The following AP4S1 variants were observed in gnomAD, a reference collection of about 807,000 sequenced individuals.
AP4S1 encodes adaptor related protein complex 4 subunit sigma 1.
A neutral mutation model predicts 19.8 loss-of-function variants in AP4S1; 23 were observed. The ratio of observed to expected loss-of-function variants is 1.16; its 90% CI spans 0.84 to 1.65. The LOEUF (loss-of-function observed/expected upper bound fraction) is 1.65. Among genes scored for constraint, AP4S1 ranks in the 40% most tolerant of loss-of-function variants. The pLI, the probability that AP4S1 is intolerant of heterozygous loss-of-function variation, is 0.00. For synonymous variants in AP4S1, 46 were observed against 54.1 expected (o/e 0.85, Z 0.66); for missense variants, 166 against 172.8 (o/e 0.96, Z 0.22).
At position 31,078,319 on chromosome 14, in the gene AP4S1, C is replaced by T. The variant is rs146508789; in HGVS notation, c.295-2254C>T. Among the ~76,000 whole-genome samples the T allele has an allele frequency of 3.5e-3, 529 of 152,308 alleles. 2 individuals are homozygous for T. Among genetic ancestry groups the T allele is most frequent in the Non-Finnish European group, 5.8e-3 (397 of 68,024 alleles). On this transcript the variant is annotated intron_variant, in intron 4 of 5. Transcript: ENST00000542754. ...TACCTGTGCCATCCAATACAGTAGG[C>T]ATTAGCCAGATGTGGCTCTTGAGCA... is the stretch of plus-strand genomic sequence containing the variant.
intron 5 of AP4S1, chr14:31,085,144 A>C (rs543937765): frequency 2.4e-6 from 3 of 1,251,032 alleles, no homozygotes; most frequent in South Asian, 2.1e-5. Context: ...CTTCGCCAGC[A>C]CCCTTTCCCC....
intron 1 of AP4S1, among the ~76,000 whole-genome samples, chr14:31,040,494 A>G (rs1232907102): frequency 1.3e-5 from 2 of 152,176 alleles, no homozygotes; most frequent in Admixed American, 6.6e-5. Context: ...AATCTGTAAC[A>G]TTGCACTCGA....
intron 2 of AP4S1, among the ~76,000 whole-genome samples, chr14:31,069,258 A>T (rs369487035): frequency 2.0e-4 from 31 of 152,324 alleles, no homozygotes; most frequent in African/African-American, 6.7e-4. Context: ...TTATTAATTC[A>T]TATGAAGCAA....
In AP4S1 at chr14:31,084,762, T is replaced by G. The variant is rs960193671; in HGVS notation, c.306+4178T>G. 28 of 1,614,090 alleles carry G rather than the reference T, an allele frequency of 1.7e-5. No individual in the cohort carries two copies. Among genetic ancestry groups the G allele is most frequent in the Non-Finnish European group, 2.2e-5 (26 of 1,180,034 alleles). ...TCAAATTTTATGAATTAAGGTGTTT[T>G]TTTTAGGAACCAATTGATGAACTTC... On this transcript the variant is annotated intron_variant, in intron 5 of 5. Coordinates refer to ENST00000542754, the MANE Select transcript of AP4S1 (RefSeq NM_001128126.3).
Position 31,072,981 on chromosome 14 carries a change from T to TA in AP4S1, c.294+10dup. 1 of 1,612,304 alleles carries TA rather than the reference T, an allele frequency of 6.2e-7. No individual in the cohort carries two copies. Among genetic ancestry groups the TA allele is most frequent in the Non-Finnish European group, 8.5e-7 (1 of 1,178,366 alleles). On this transcript the variant is annotated intron_variant, in intron 4 of 5. Coordinates refer to ENST00000542754, the MANE Select transcript of AP4S1 (RefSeq NM_001128126.3). ...GAGTATTTCAGCCGAGTGGTAAGTC[T>TA]AATGGCTAAAAAATGGTTTACTTCC...
intron 1 of AP4S1, among the ~76,000 whole-genome samples, chr14:31,052,926 T>C (rs1030895914): frequency 1.4e-5 from 2 of 147,078 alleles, no homozygotes; most frequent in Non-Finnish European, 3.0e-5. Context: ...AAGAAGTCAG[T>C]GTGCTAAATT....
intron 1 of AP4S1, among the ~76,000 whole-genome samples, chr14:31,043,032 C>G (rs915719892): frequency 1.3e-5 from 2 of 152,028 alleles, no homozygotes; most frequent in Non-Finnish European, 1.5e-5. Context: ...ATCAGCCTGG[C>G]CGACATGGTG....
chr14:31,074,652 G>A (rs145704078), intron 4 of AP4S1, among the ~76,000 whole-genome samples: 70 of 152,182 alleles, frequency 4.6e-4, no homozygotes, highest in African/African-American at 1.2e-3. Context: ...CAGCCTGGGC[G>A]ACAGAGCAAG....
At chr14:31,068,691 T>C (rs1436019932) in intron 2 of AP4S1, among the ~76,000 whole-genome samples, 1 of 152,274 alleles carries the variant, frequency 6.6e-6, no homozygotes, top group Non-Finnish European at 1.5e-5. Flanking sequence ...TACTGTTAGA[T>C]ACTTTTGATG....
At position 31,025,676 on chromosome 14, in the gene AP4S1, G is replaced by A. The variant is rs375911441; in HGVS notation, c.-183G>A. On this transcript the variant is annotated 5_prime_UTR_variant, in exon 1 of 6. Coordinates refer to ENST00000542754, the MANE Select transcript of AP4S1 (RefSeq NM_001128126.3). The stretch of plus-strand genomic sequence containing the variant: ...TAAAAGCCAAAATGGCTGCCCCGAG[G>A]AGGCCCGCACCGCGTAGCCAGTGAA... 20 of 662,060 alleles carry A rather than the reference G, an allele frequency of 3.0e-5. No homozygotes were observed. Among genetic ancestry groups the A allele is most frequent in the African/African-American group, 1.1e-4 (6 of 52,978 alleles). The allele number at this position is 662,060 out of a possible 1,614,324, so 41.0% of individuals were successfully genotyped here. A position where few individuals can be genotyped will look rare whatever the true frequency, so the allele number is the denominator to read the frequency against.
intron 1 of AP4S1, among the ~76,000 whole-genome samples, chr14:31,065,427 T>C (rs1397517764): frequency 6.6e-6 from 1 of 152,120 alleles, no homozygotes; most frequent in African/African-American, 2.4e-5. Flanking sequence ...CATCACCTTG[T>C]ACTGCCGTTG....
rs923707686 is a variant in AP4S1 at position 31,093,221 on chromosome 14, G to A, written c.*186G>A. 1.8e-4 allele frequency: 87 copies of A among 496,530 alleles called. No individual in the cohort carries two copies. The highest frequency in any genetic ancestry group is 2.7e-4 in the Non-Finnish European group (82 of 306,236). 30.8% of individuals were successfully genotyped at this position (496,530 alleles called of 1,614,324 possible). ...AAAACACAACTGTACTTTAAAATATGTACAAAGAAAAAAATTTCTTTAAAC... is the reference window on the plus strand; with the variant it reads ...AAAACACAACTGTACTTTAAAATATATACAAAGAAAAAAATTTCTTTAAAC... On this transcript the variant is annotated 3_prime_UTR_variant, in exon 6 of 6. Coordinates refer to ENST00000542754, the MANE Select transcript of AP4S1 (RefSeq NM_001128126.3).
intron 1 of AP4S1, chr14:31,033,032 T>C (rs1884497754): frequency 6.6e-6 from 1 of 152,212 alleles, no homozygotes; most frequent in Admixed American, 6.5e-5. Flanking sequence ...AAGTTCTCAC[T>C]CTTTACATCA....
chr14:31,047,102 A>C (rs1234587633), intron 1 of AP4S1, among the ~76,000 whole-genome samples: 3 of 152,162 alleles, frequency 2.0e-5, no homozygotes, highest in African/African-American at 7.2e-5. Flanking sequence ...CCCAATGATT[A>C]AGGGTGTTGA....
chr14:31,039,579 T>A (rs8014360), intron 1 of AP4S1, among the ~76,000 whole-genome samples: 38 of 134,650 alleles, frequency 2.8e-4, no homozygotes, highest in Non-Finnish European at 6.0e-4. Flanking sequence ...TTTGTTTTTT[T>A]TTTTTTTTTT....
At chr14:31,079,687 G>A (rs527893190) in intron 4 of AP4S1, among the ~76,000 whole-genome samples, 36 of 152,170 alleles carry the variant, frequency 2.4e-4, no homozygotes, top group Admixed American at 6.5e-4. Context: ...TTAGCCAGGT[G>A]TGGTGGCTCA....
intron 5 of AP4S1, among the ~76,000 whole-genome samples, chr14:31,082,813 G>C (rs368803353): frequency 5.3e-5 from 8 of 151,694 alleles, no homozygotes; most frequent in Non-Finnish European, 1.2e-4. Flanking sequence ...GGAGAATGGC[G>C]TGAACCCGGG....
At chr14:31,025,856 C>T (rs780857936) in intron 1 of AP4S1, 69 bp downstream of exon 1, 1 of 1,568,712 alleles carries the variant, frequency 6.4e-7, no homozygotes, top group Non-Finnish European at 8.6e-7. Context: ...ACCCCCCGGC[C>T]GGGAACCCAG....
At chr14:31,068,834 C>T (rs1886860051) in intron 2 of AP4S1, among the ~76,000 whole-genome samples, 1 of 151,862 alleles carries the variant, frequency 6.6e-6, no homozygotes, top group African/African-American at 2.4e-5. Flanking sequence ...ATGTCAGAAA[C>T]TCCTGAGAAG....
Sources: allele counts gnomAD v4.1 joint callset (sites outside exome capture counted in the v4.1 genomes callset), GRCh38; gene constraint gnomAD v4.1.1; transcripts MANE v1.5; gene names NCBI Gene and HGNC (gene_info 2026-07-23, HGNC 2026-07-21).